The following PARD3B variants were observed in gnomAD, a reference collection of about 807,000 sequenced individuals.
PARD3B encodes the protein partitioning defective 3 homolog B.
In PARD3B, 103 loss-of-function variants were observed where a neutral mutation model predicts 130.2. The observed-to-expected ratio is 0.79, with a 90% CI of 0.67 to 0.93. The LOEUF (loss-of-function observed/expected upper bound fraction) is 0.93. Ranked by LOEUF, PARD3B falls within the 40% of genes least tolerant of loss-of-function variation. The pLI, the probability that PARD3B is intolerant of heterozygous loss-of-function variation, is 0.00. For missense variants in PARD3B, 1,609 were observed against 1,499.2 expected (o/e 1.07, Z -1.21); for synonymous variants, 583 against 553.2 (o/e 1.05, Z -0.76).
At chr2:205,059,407 A>G (rs1040162727) in intron 4 of PARD3B, among the ~76,000 whole-genome samples, 2 of 152,064 alleles carry the variant, frequency 1.3e-5, no homozygotes, top group Non-Finnish European at 2.9e-5. Context: ...CTTTGCCCAG[A>G]TGTTTCTTCT....
At chr2:204,749,407 T>A (rs953821445) in intron 2 of PARD3B, among the ~76,000 whole-genome samples, 1 of 152,120 alleles carries the variant, frequency 6.6e-6, no homozygotes, top group Non-Finnish European at 1.5e-5. Context: ...ATTTCTTCAT[T>A]TTTAGGATAT....
rs548850792 is a variant in PARD3B, at chr2:205,288,509, C to A, written c.2186-12021C>A. Among the ~76,000 whole-genome samples the A allele has an allele frequency of 2.0e-5, 3 of 152,282 alleles. No homozygotes were observed. In the East Asian group the frequency reaches 5.8e-4, roughly 29 times the overall value. On this transcript the variant is annotated intron_variant, in intron 16 of 22. Transcript: ENST00000406610. This position sits in a 1 kb window ranked among gnomAD's most constrained non-coding sequence, Gnocchi z 4.0. Reference sequence around the variant, plus strand: ...TTATTTTTTCTCTGAATACCAATATCATCAAGCGTTTACTCTGGTAAAAAA... The same window carrying A: ...TTATTTTTTCTCTGAATACCAATATAATCAAGCGTTTACTCTGGTAAAAAA...
intron 15 of PARD3B, among the ~76,000 whole-genome samples, chr2:205,233,406 G>A (rs1367473043): frequency 6.6e-6 from 1 of 151,740 alleles, no homozygotes. Flanking sequence ...ATAAAAATAT[G>A]GATCTACATA....
At position 205,244,760 on chromosome 2, in the gene PARD3B, A is replaced by T. The variant is rs1248577499; in HGVS notation, c.2141-1018A>T. On this transcript the variant is annotated intron_variant, in intron 15 of 22. Transcript: ENST00000406610. The surrounding 1 kb of genome is among the most constrained non-coding windows in gnomAD (Gnocchi z 4.7). ...GCTTCAGTAATTGTGTCTTTTAAAAACGAATCCGTTTCATCAGAGCTCCAT... is the reference window on the plus strand; with the variant it reads ...GCTTCAGTAATTGTGTCTTTTAAAATCGAATCCGTTTCATCAGAGCTCCAT... 6.6e-6 allele frequency among the ~76,000 whole-genome samples: 1 copy of T among 152,084 alleles called. No individual in the cohort carries two copies.
chr2:204,563,546 A>G (rs1311060060), intron 1 of PARD3B, among the ~76,000 whole-genome samples: 2 of 152,006 alleles, frequency 1.3e-5, no homozygotes, highest in Admixed American at 6.6e-5. Context: ...CTTTCTTACA[A>G]TGTTACTCTC....
chr2:204,618,520 G>T (rs1036488039), intron 1 of PARD3B, among the ~76,000 whole-genome samples: 6 of 152,178 alleles, frequency 3.9e-5, no homozygotes, highest in Non-Finnish European at 8.8e-5. Context: ...AACTGCAACA[G>T]TGACAGTGTC....
intron 3 of PARD3B, among the ~76,000 whole-genome samples, chr2:205,046,414 C>T (rs1352724202): frequency 6.6e-6 from 1 of 150,402 alleles, no homozygotes; most frequent in African/African-American, 2.5e-5. Flanking sequence ...TGAAGTTGGA[C>T]TTTATAATTC....
At chr2:204,580,967 A>G (rs2032522598) in intron 1 of PARD3B, among the ~76,000 whole-genome samples, 1 of 152,220 alleles carries the variant, frequency 6.6e-6, no homozygotes, top group African/African-American at 2.4e-5. Flanking sequence ...TTTCAAATTT[A>G]TGCAGACTCG....
chr2:205,466,665 C>T (rs2048633225), intron 20 of PARD3B, among the ~76,000 whole-genome samples: 2 of 152,196 alleles, frequency 1.3e-5, no homozygotes. Flanking sequence ...GCTAATTATG[C>T]TCAAAAGATG....
rs13399833 is a variant in PARD3B, at chr2:204,547,908, G to A, written c.120+1789G>A. ...GTAACTTATAATATCACAGAACAAT[G>A]TAGTTGCATTGATCAGTTTACTATT... On this transcript the variant is annotated intron_variant, in intron 1 of 22. Transcript: ENST00000406610. 8.6e-3 allele frequency among the ~76,000 whole-genome samples: 1,315 copies of A among 152,168 alleles called. 19 individuals are homozygous for A. The highest frequency in any genetic ancestry group is 0.03 in the African/African-American group (1,232 of 41,498).
intron 22 of PARD3B, among the ~76,000 whole-genome samples, chr2:205,573,036 G>C (rs188658162): frequency 0.015 from 2,292 of 152,296 alleles, 181 homozygotes; most frequent in Admixed American, 0.13. Flanking sequence ...GAAGTGAAGA[G>C]CGAAGCAGGA....
At chr2:205,538,302 A>C (rs923163764) in intron 21 of PARD3B, among the ~76,000 whole-genome samples, 1 of 152,170 alleles carries the variant, frequency 6.6e-6, no homozygotes, top group African/African-American at 2.4e-5. Flanking sequence ...GAGAGGAAAA[A>C]GCTTGAACCA....
chr2:205,045,468 G>A (rs1248893861), intron 3 of PARD3B, among the ~76,000 whole-genome samples: 1 of 151,832 alleles, frequency 6.6e-6, no homozygotes, highest in Non-Finnish European at 1.5e-5. Flanking sequence ...GACTGGTCTC[G>A]AACTCCTGAC....
intron 3 of PARD3B, among the ~76,000 whole-genome samples, chr2:205,000,300 T>C (rs1694725782): frequency 6.6e-6 from 1 of 152,214 alleles, no homozygotes; most frequent in African/African-American, 2.4e-5. Flanking sequence ...CACGGCCTTG[T>C]GTTTTCTACT....
At chr2:205,018,749 A>AAAAAAAAAAAAAAAAAAG (rs1559359658) in intron 3 of PARD3B, among the ~76,000 whole-genome samples, 1 of 120,026 alleles carries the variant, frequency 8.3e-6, no homozygotes, top group Non-Finnish European at 1.8e-5. Context: ...AAAAAAAAAA[A>AAAAAAAAAAAAAAAAAAG]AGCACGCTGA....
intron 1 of PARD3B, among the ~76,000 whole-genome samples, chr2:204,567,350 A>G (rs376269628): frequency 2.6e-5 from 4 of 151,924 alleles, no homozygotes; most frequent in African/African-American, 9.7e-5. Context: ...GAAACTCCAT[A>G]CCCATTAAAT....
intron 18 of PARD3B, among the ~76,000 whole-genome samples, chr2:205,327,768 G>A (rs1207435): frequency 0.88 from 133,866 of 152,218 alleles, 59,050 homozygotes; most frequent in Admixed American, 0.92. Flanking sequence ...AAATAATACA[G>A]TGAATGTAAA....
intron 22 of PARD3B, among the ~76,000 whole-genome samples, chr2:205,580,127 C>G (rs2053909565): frequency 6.6e-6 from 1 of 152,106 alleles, no homozygotes; most frequent in Non-Finnish European, 1.5e-5. Context: ...TGAGTACTTG[C>G]AAGAAGTGTT....
chr2:204,682,094 G>A (rs1278503004), intron 1 of PARD3B, among the ~76,000 whole-genome samples: 14 of 152,082 alleles, frequency 9.2e-5, no homozygotes, highest in Admixed American at 9.2e-4. Flanking sequence ...TCTATGAGGT[G>A]CATCATACAA....
Sources: gnomAD v4.1 joint callset for allele counts (sites outside exome capture counted in the v4.1 genomes callset) on GRCh38, gnomAD v4.1.1 for gene constraint, Gnocchi (gnomAD v3.1) non-coding constraint, MANE v1.5 for transcripts, NCBI Gene and HGNC (gene_info 2026-07-23, HGNC 2026-07-21) for gene names.